Variants in LARS2 observed in about 807,000 individuals in gnomAD.
LARS2 encodes leucyl-tRNA synthetase 2, mitochondrial.
A neutral mutation model predicts 116.6 loss-of-function variants in LARS2; 81 were observed. The observed-to-expected ratio is 0.69, with a 90% CI of 0.58 to 0.84. The LOEUF (loss-of-function observed/expected upper bound fraction) is 0.84. LARS2 is among the 40% of genes least tolerant of loss of function. LARS2 has a pLI of 0.00. For synonymous variants in LARS2, 396 were observed against 407.2 expected (o/e 0.97, Z 0.33); for missense variants, 968 against 1,114.5 (o/e 0.87, Z 1.87).
At chr3:45,501,264 G>T (rs948905446) in intron 15 of LARS2, among the ~76,000 whole-genome samples, 3 of 149,744 alleles carry the variant, frequency 2.0e-5, no homozygotes, top group African/African-American at 4.8e-5. Context: ...ATTGTGTATC[G>T]CTCTTCTACG....
chr3:45,458,758 G>A lies in LARS2; in HGVS notation c.622G>A (p.Asp208Asn), dbSNP rs747999844. 3 of 1,614,038 alleles carry A rather than the reference G, an allele frequency of 1.9e-6. No individual in the cohort carries two copies. Among genetic ancestry groups the A allele is most frequent in the Non-Finnish European group, 2.5e-6 (3 of 1,180,020 alleles). ...AATTATACAGGCCCTGGTTAACTGGGACCCAGTGGATCAAACAGTGCTTGC... is the reference window on the plus strand; with the variant it reads ...AATTATACAGGCCCTGGTTAACTGGAACCCAGTGGATCAAACAGTGCTTGC... ...AYQKEALVNW[D>N]PVDQTVLANE... Residue 208 changes from aspartate to asparagine, a missense_variant, in exon 8 of 22, where the codon GAC (aspartate) becomes AAC (asparagine). Asp to Asn is a conservative substitution (Grantham distance 23, BLOSUM62 1). Coordinates refer to ENST00000645846, the MANE Select transcript of LARS2 (RefSeq NM_015340.4).
At position 45,515,746 on chromosome 3, in the gene LARS2, C is replaced by T. The variant is rs76635477; in HGVS notation, c.1862-348C>T. On this transcript the variant is annotated intron_variant, in intron 16 of 21. Coordinates refer to ENST00000645846, the MANE Select transcript of LARS2 (RefSeq NM_015340.4). ...CCTTAATTCATCAAGAAAATGGCAA[C>T]GTGTGCGAGTTTTTCAAAATTCTTT... Among the ~76,000 whole-genome samples the T allele has an allele frequency of 1.1e-3, 166 of 152,258 alleles. 1 individual carries two copies. The highest frequency in any genetic ancestry group is 3.9e-3 in the African/African-American group (162 of 41,536).
At chr3:45,515,768 C>A (rs1327314427) in intron 16 of LARS2, among the ~76,000 whole-genome samples, 6 of 152,138 alleles carry the variant, frequency 3.9e-5, no homozygotes, top group Admixed American at 3.9e-4. Context: ...TTTCAAAATT[C>A]TTTTTTACTT....
intron 20 of LARS2, among the ~76,000 whole-genome samples, chr3:45,530,467 C>A (rs1559498794): frequency 6.6e-6 from 1 of 152,092 alleles, no homozygotes; most frequent in Non-Finnish European, 1.5e-5. Flanking sequence ...TAGCAGTGAG[C>A]CAAGATCGCA....
At chr3:45,441,650 G>A (rs912191572) in intron 6 of LARS2, among the ~76,000 whole-genome samples, 1 of 152,192 alleles carries the variant, frequency 6.6e-6, no homozygotes, top group African/African-American at 2.4e-5. Flanking sequence ...CACAGACCAA[G>A]TATTATTTTA....
At chr3:45,494,791 G>T (rs1699981042) in intron 13 of LARS2, among the ~76,000 whole-genome samples, 1 of 152,190 alleles carries the variant, frequency 6.6e-6, no homozygotes. Flanking sequence ...GTAGCAGCTG[G>T]GCATGATGGC....
At chr3:45,541,373 G>A (rs1041591837) in intron 20 of LARS2, among the ~76,000 whole-genome samples, 68 of 152,194 alleles carry the variant, frequency 4.5e-4, no homozygotes, top group South Asian at 2.1e-4. Context: ...GTGTCCTGCC[G>A]TTCACTGCAT....
rs1163372745 is a variant in LARS2 at position 45,491,757 on chromosome 3, C to T, written c.1480C>T (p.Pro494Ser). ...IASFTGKGGP[P>S]LAMASEWVNC... ...GTCTTTCACTGGCAAGGGAGGCCCC[C>T]CACTGGCCATGGCTTCAGAGTGGGT... is the stretch of plus-strand genomic sequence containing the variant. The change falls in exon 13 of 22, where the codon CCA (proline) becomes TCA (serine). Residue 494 changes from proline (P) to serine (S), a missense_variant. Physicochemically the swap from Pro to Ser is moderately conservative, Grantham distance 74. Coordinates refer to ENST00000645846, the MANE Select transcript of LARS2 (RefSeq NM_015340.4). 1.9e-5 allele frequency: 30 copies of T among 1,613,794 alleles called. No homozygotes were observed. The highest frequency in any genetic ancestry group is 2.3e-5 in the Non-Finnish European group (27 of 1,179,856).
rs145135580 is a variant in LARS2, at chr3:45,476,554, G to A, written c.945G>A (p.Ser315=). The change falls in exon 10 of 22, where the codon TCG becomes TCA. Residue 315 remains serine (S), a synonymous_variant. Transcript: ENST00000645846. The part of the protein sequence containing the change: ...AIYGTSHVAI[S]PSHRLLHGHS... ...ATGGCACCTCCCACGTGGCCATCTC[G>A]CCCAGCCACAGACTCCTACATGGGC... The A allele has an allele frequency of 1.2e-3, 1,997 of 1,614,022 alleles. 6 individuals carry two copies. The highest frequency in any genetic ancestry group is 2.3e-3 in the Admixed American group (136 of 60,014).
intron 15 of LARS2, among the ~76,000 whole-genome samples, chr3:45,502,091 A>G (rs1394327685): frequency 2.0e-5 from 3 of 152,138 alleles, no homozygotes; most frequent in African/African-American, 4.8e-5. Flanking sequence ...AAACAATCCA[A>G]TTATACTCTT....
chr3:45,483,754 A>G (rs1462835183), intron 10 of LARS2, among the ~76,000 whole-genome samples: 1 of 152,202 alleles, frequency 6.6e-6, no homozygotes, highest in Non-Finnish European at 1.5e-5. Context: ...CTCCCAGCTA[A>G]CACATCTGTA....
intron 6 of LARS2, among the ~76,000 whole-genome samples, chr3:45,444,155 C>T (rs1698970141): frequency 6.8e-6 from 1 of 147,396 alleles, no homozygotes; most frequent in African/African-American, 2.5e-5. Flanking sequence ...CAGGTGCCCA[C>T]CACCATTCCT....
intron 21 of LARS2, 52 bp downstream of exon 21, chr3:45,542,008 G>T (rs781313982): frequency 1.2e-6 from 2 of 1,604,744 alleles, no homozygotes; most frequent in Non-Finnish European, 1.7e-6. Context: ...CCTGCTGGTG[G>T]CCCCTAAATA....
intron 6 of LARS2, among the ~76,000 whole-genome samples, chr3:45,431,536 C>T (rs1227193134): frequency 2.0e-5 from 3 of 151,978 alleles, no homozygotes; most frequent in African/African-American, 4.8e-5. Flanking sequence ...AGATTAGGGA[C>T]GGAGCTGTAT....
intron 6 of LARS2, chr3:45,422,447 C>T (rs1698530333): frequency 6.6e-6 from 1 of 151,902 alleles, no homozygotes; most frequent in Admixed American, 6.6e-5. Context: ...AACATATTTT[C>T]TTCTTGATTC....
At chr3:45,467,000 C>A (rs944307573) in intron 8 of LARS2, among the ~76,000 whole-genome samples, 1 of 152,060 alleles carries the variant, frequency 6.6e-6, no homozygotes, top group African/African-American at 2.4e-5. Context: ...AGCCAGTCAG[C>A]GTGTGTTGCA....
intron 21 of LARS2, 94 bp downstream of exon 21, chr3:45,542,050 C>A: frequency 6.7e-7 from 1 of 1,488,652 alleles, no homozygotes; most frequent in South Asian, 1.3e-5. Flanking sequence ...TATTAGCAGG[C>A]CTTTCTAGCT....
chr3:45,390,735 C>G (rs1158915683), intron 1 of LARS2, among the ~76,000 whole-genome samples: 1 of 151,642 alleles, frequency 6.6e-6, no homozygotes. Context: ...TCACTGCAAG[C>G]TCCGCCTCCC....
intron 21 of LARS2, 62 bp downstream of exon 21, chr3:45,542,018 A>C: frequency 1.3e-6 from 2 of 1,593,114 alleles, no homozygotes; most frequent in Non-Finnish European, 1.7e-6. Context: ...GCCCCTAAAT[A>C]CTGTGGTGGT....
Sources: allele counts gnomAD v4.1 joint callset (sites outside exome capture counted in the v4.1 genomes callset), GRCh38; gene constraint gnomAD v4.1.1; transcripts MANE v1.5; gene names NCBI Gene and HGNC (gene_info 2026-07-23, HGNC 2026-07-21).